The following GMDS variants were observed in gnomAD, a reference collection of about 807,000 sequenced individuals.
GMDS encodes the protein GDP-mannose 4,6 dehydratase.
A neutral mutation model predicts 49.9 loss-of-function variants in GMDS; 20 were observed. That is an observed-to-expected ratio of 0.40 (90% CI 0.28 to 0.58). The LOEUF (loss-of-function observed/expected upper bound fraction) is 0.58. Among genes scored for constraint, GMDS ranks in the 20% least tolerant of loss-of-function variants. The pLI is 0.42. For missense variants in GMDS, 362 were observed against 481.4 expected (o/e 0.75, Z 2.32); for synonymous variants, 177 against 178.6 (o/e 0.99, Z 0.07).
At chr6:1,936,067 T>A (rs866183612) in intron 6 of GMDS, among the ~76,000 whole-genome samples, 3 of 152,158 alleles carry the variant, frequency 2.0e-5, no homozygotes, top group Non-Finnish European at 4.4e-5. Flanking sequence ...AAGGACAAAA[T>A]TTTCAGGGTA....
chr6:2,131,252 C>T (rs1468822220), intron 1 of GMDS, among the ~76,000 whole-genome samples: 1 of 152,048 alleles, frequency 6.6e-6, no homozygotes, highest in Non-Finnish European at 1.5e-5. Flanking sequence ...AAATAATTTT[C>T]TATAATTTAG....
chr6:1,988,764 A>T lies in GMDS; in HGVS notation c.346-27798T>A, dbSNP rs537655466. On this transcript the variant is annotated intron_variant, in intron 4 of 10. Coordinates refer to ENST00000380815, the MANE Select transcript of GMDS (RefSeq NM_001500.4). ...CAAAAGAAAATAAATCAATATTTTA[A>T]AATGAGAAGTGGATTTTGAAATATT... Among the ~76,000 whole-genome samples the T allele has an allele frequency of 2.6e-5, 4 of 152,340 alleles. No homozygotes were observed. In the East Asian group the frequency reaches 7.7e-4, roughly 29 times the overall value.
intron 4 of GMDS, among the ~76,000 whole-genome samples, chr6:2,115,008 G>A (rs923047262): frequency 2.0e-5 from 3 of 152,030 alleles, no homozygotes; most frequent in Non-Finnish European, 4.4e-5. Flanking sequence ...GACTTTTGAG[G>A]GGCTTTTATA....
At chr6:1,901,107 C>T (rs1760483819) in intron 7 of GMDS, among the ~76,000 whole-genome samples, 1 of 152,234 alleles carries the variant, frequency 6.6e-6, no homozygotes, top group Non-Finnish European at 1.5e-5. Context: ...CCTGCACCTG[C>T]TTTCCAGTGA....
chr6:1,912,464 T>C (rs1761119787), intron 7 of GMDS, among the ~76,000 whole-genome samples: 1 of 152,226 alleles, frequency 6.6e-6, no homozygotes, highest in South Asian at 2.1e-4. Context: ...TTAAACACTT[T>C]GCATTACCTT....
At chr6:1,789,525 CTTTT>C (rs1318382697) in intron 7 of GMDS, among the ~76,000 whole-genome samples, 22 of 112,788 alleles carry the variant, frequency 2.0e-4, no homozygotes, top group Admixed American at 6.7e-4. Flanking sequence ...TTTTCTTTTT[CTTTT>C]TTCTTTTTTT....
chr6:1,773,732 A>T (rs1175714276), intron 7 of GMDS, among the ~76,000 whole-genome samples: 1 of 152,256 alleles, frequency 6.6e-6, no homozygotes, highest in Non-Finnish European at 1.5e-5. Flanking sequence ...CAAGGAAGAA[A>T]CTACCGTGGA....
chr6:2,191,829 G>T lies in GMDS; in HGVS notation c.102+53492C>A, dbSNP rs1330961660. On this transcript the variant is annotated intron_variant, in intron 1 of 10. Coordinates refer to ENST00000380815, the MANE Select transcript of GMDS (RefSeq NM_001500.4). This position sits in a 1 kb window ranked among gnomAD's most constrained non-coding sequence, Gnocchi z 4.6. ...AGCAGACAGGCTCCGGGGTGGAAGGGGGTAGGTCCCTGGTGAGACCCCACC... is the reference window on the plus strand; with the variant it reads ...AGCAGACAGGCTCCGGGGTGGAAGGTGGTAGGTCCCTGGTGAGACCCCACC... Among the ~76,000 whole-genome samples, 2 of 152,172 alleles carry T rather than the reference G, an allele frequency of 1.3e-5. No individual in the cohort carries two copies. The highest frequency in any genetic ancestry group is 4.8e-5 in the African/African-American group (2 of 41,444).
chr6:1,966,649 T>G (rs932707612), intron 4 of GMDS, among the ~76,000 whole-genome samples: 2 of 152,106 alleles, frequency 1.3e-5, no homozygotes, highest in African/African-American at 2.4e-5. Context: ...TCTGTCCAAA[T>G]GGGCCCAAAG....
intron 4 of GMDS, among the ~76,000 whole-genome samples, chr6:2,098,585 A>G (rs888295865): frequency 6.6e-6 from 1 of 152,244 alleles, no homozygotes; most frequent in Non-Finnish European, 1.5e-5. Context: ...AGAAACACTT[A>G]AAGCAAACCC....
At chr6:1,656,763 C>CAA (rs766642591) in intron 9 of GMDS, among the ~76,000 whole-genome samples, 21 of 128,892 alleles carry the variant, frequency 1.6e-4, no homozygotes, top group African/African-American at 5.1e-4. Context: ...GACTCTGTCT[C>CAA]AAAAAAAAAA....
chr6:1,737,679 TACAC>T (rs950865156), intron 8 of GMDS, among the ~76,000 whole-genome samples: 13 of 116,778 alleles, frequency 1.1e-4, no homozygotes, highest in Admixed American at 5.4e-4. Flanking sequence ...CAGATATACA[TACAC>T]ACATACATAC....
intron 4 of GMDS, among the ~76,000 whole-genome samples, chr6:2,021,594 G>C (rs2127406250): frequency 6.6e-6 from 1 of 152,308 alleles, no homozygotes; most frequent in South Asian, 2.1e-4. Context: ...TAAAATATTT[G>C]TGGCTCTCTT....
chr6:2,163,067 G>A (rs183669777), intron 1 of GMDS, among the ~76,000 whole-genome samples: 75 of 152,274 alleles, frequency 4.9e-4, no homozygotes, highest in Non-Finnish European at 9.9e-4. Flanking sequence ...GTAAACTGTC[G>A]TAAGGAAAGT....
intron 1 of GMDS, among the ~76,000 whole-genome samples, chr6:2,223,012 CA>C (rs948345918): frequency 6.6e-6 from 1 of 152,114 alleles, no homozygotes; most frequent in African/African-American, 2.4e-5. Context: ...GCTGCAACAT[CA>C]ACTCTTTCCT....
chr6:1,872,276 T>A (rs1409587520), intron 7 of GMDS, among the ~76,000 whole-genome samples: 1 of 152,266 alleles, frequency 6.6e-6, no homozygotes, highest in African/African-American at 2.4e-5. Flanking sequence ...GATAATATTT[T>A]AACTGTAATA....
intron 7 of GMDS, among the ~76,000 whole-genome samples, chr6:1,753,437 ATAG>A (rs1287552477): frequency 6.6e-6 from 1 of 152,202 alleles, no homozygotes; most frequent in Non-Finnish European, 1.5e-5. Context: ...CCACACAATA[ATAG>A]TGGGAGACTT....
rs573326372 is a variant in GMDS at position 2,221,716 on chromosome 6, T to C, written c.102+23605A>G. Reference sequence around the variant, plus strand: ...AAATGTTCTTTTAACAAAGGGATTTTAGTGAATTTTGCAACATGAGTAAAT... The same window carrying C: ...AAATGTTCTTTTAACAAAGGGATTTCAGTGAATTTTGCAACATGAGTAAAT... On this transcript the variant is annotated intron_variant, in intron 1 of 10. Transcript: ENST00000380815. Among the ~76,000 whole-genome samples the C allele has an allele frequency of 2.0e-5, 3 of 152,330 alleles. No individual in the cohort carries two copies. The Middle Eastern group carries it at 0.01, about 518-fold the overall frequency.
At chr6:1,744,864 A>G (rs191343598) in intron 7 of GMDS, among the ~76,000 whole-genome samples, 2 of 152,362 alleles carry the variant, frequency 1.3e-5, no homozygotes, top group Non-Finnish European at 2.9e-5. Context: ...TCCAATGCAC[A>G]CAGTATGGTG....
Sources: allele counts gnomAD v4.1 joint callset (sites outside exome capture counted in the v4.1 genomes callset), GRCh38; gene constraint gnomAD v4.1.1; non-coding constraint Gnocchi (gnomAD v3.1); transcripts MANE v1.5; gene names NCBI Gene and HGNC (gene_info 2026-07-23, HGNC 2026-07-21).